Variants in LARGE1 observed in about 807,000 individuals in gnomAD.
LARGE1 encodes xylosyl- and glucuronyltransferase LARGE1.
A neutral mutation model predicts 87.6 loss-of-function variants in LARGE1; 43 were observed. The observed-to-expected ratio is 0.49, with a 90% CI of 0.38 to 0.63. LARGE1 has a LOEUF of 0.63. Ranked by LOEUF, LARGE1 falls within the 30% of genes least tolerant of loss-of-function variation. The pLI, the probability that LARGE1 is intolerant of heterozygous loss-of-function variation, is 0.00. For synonymous variants in LARGE1, 434 were observed against 394.6 expected (o/e 1.10, Z -1.18); for missense variants, 802 against 1,000.2 (o/e 0.80, Z 2.67).
At chr22:33,835,756 G>T (rs116050591) in intron 1 of LARGE1, among the ~76,000 whole-genome samples, 1 of 152,296 alleles carries the variant, frequency 6.6e-6, no homozygotes, top group East Asian at 1.9e-4. Flanking sequence ...TGAGGCATAC[G>T]GTTAAAGCAG....
intron 11 of LARGE1, among the ~76,000 whole-genome samples, chr22:33,183,568 T>G (rs1013832277): frequency 8.7e-5 from 13 of 150,224 alleles, no homozygotes; most frequent in African/African-American, 2.5e-4. Context: ...TAGCCAAGAT[T>G]TGAAAACAAC....
chr22:33,167,858 C>T (rs905721939), intron 11 of LARGE1, among the ~76,000 whole-genome samples: 1 of 152,158 alleles, frequency 6.6e-6, no homozygotes, highest in Non-Finnish European at 1.5e-5. Flanking sequence ...CATTCTCTCC[C>T]CTAGAGCAGT....
chr22:33,716,005 C>T (rs1177405238), intron 2 of LARGE1, among the ~76,000 whole-genome samples: 2 of 152,118 alleles, frequency 1.3e-5, no homozygotes, highest in African/African-American at 4.8e-5. Context: ...TTCATGTTTC[C>T]CTCCCAATAC....
intron 6 of LARGE1, among the ~76,000 whole-genome samples, chr22:33,478,273 A>G (rs1351562923): frequency 6.6e-6 from 1 of 152,218 alleles, no homozygotes; most frequent in African/African-American, 2.4e-5. Flanking sequence ...TGTGCCTGCC[A>G]TAGTCTCTTC....
the LARGE1 span, among the ~76,000 whole-genome samples, chr22:33,095,011 G>A: frequency 1.3e-5 from 2 of 151,934 alleles, no homozygotes; most frequent in Admixed American, 6.6e-5. Flanking sequence ...GAGCCACCGC[G>A]CCTGGCCTCT....
chr22:33,629,278 G>T (rs1473530871), intron 3 of LARGE1, among the ~76,000 whole-genome samples: 1 of 152,164 alleles, frequency 6.6e-6, no homozygotes, highest in African/African-American at 2.4e-5. Context: ...GGAAAAACAC[G>T]CTGAATCAGG....
chr22:33,634,338 G>C (rs554071642), intron 3 of LARGE1, among the ~76,000 whole-genome samples: 3 of 152,288 alleles, frequency 2.0e-5, no homozygotes, highest in African/African-American at 4.8e-5. Flanking sequence ...AGAATAGTCT[G>C]CATCCAGGCG....
intron 6 of LARGE1, among the ~76,000 whole-genome samples, chr22:33,497,854 TAC>T (rs1569214466): frequency 6.6e-6 from 1 of 152,178 alleles, no homozygotes; most frequent in Non-Finnish European, 1.5e-5. Context: ...AAGCAAGAGT[TAC>T]AGAGTGCTTA....
chr22:33,745,810 G>T (rs949069005), intron 2 of LARGE1, among the ~76,000 whole-genome samples: 1 of 152,072 alleles, frequency 6.6e-6, no homozygotes, highest in Non-Finnish European at 1.5e-5. Flanking sequence ...ACTGAGCCTG[G>T]GTGGAAGTTC....
upstream of LARGE1, among the ~76,000 whole-genome samples, chr22:33,921,247 C>G (rs1444353377): frequency 2.0e-5 from 3 of 152,134 alleles, no homozygotes; most frequent in Non-Finnish European, 2.9e-5. This position sits in a 1 kb window ranked among gnomAD's most constrained non-coding sequence, Gnocchi z 4.1. Flanking sequence ...CAGGCGGAAG[C>G]AACACCCGGA....
the LARGE1 span, among the ~76,000 whole-genome samples, chr22:33,134,390 C>T: frequency 1.3e-5 from 2 of 151,790 alleles, no homozygotes; most frequent in Non-Finnish European, 2.9e-5. Context: ...TCCCGAGTAG[C>T]TGGGACTACA....
intron 6 of LARGE1, among the ~76,000 whole-genome samples, chr22:33,447,783 GGAA>G (rs1005625337): frequency 1.5e-4 from 23 of 152,116 alleles, no homozygotes; most frequent in African/African-American, 4.8e-4. Flanking sequence ...GGGAGGAGGA[GGAA>G]GGACAGGCTG....
intron 2 of LARGE1, among the ~76,000 whole-genome samples, chr22:33,707,089 A>C (rs2082585160): frequency 6.6e-6 from 1 of 152,260 alleles, no homozygotes; most frequent in African/African-American, 2.4e-5. Context: ...GAATTCTGTC[A>C]TCTTCAGTAG....
intron 11 of LARGE1, among the ~76,000 whole-genome samples, chr22:33,258,546 C>T (rs1568992721): frequency 6.6e-6 from 1 of 152,110 alleles, no homozygotes; most frequent in Non-Finnish European, 1.5e-5. Flanking sequence ...ACTGCATTTC[C>T]AGAAAGTTCG....
At position 33,641,148 on chromosome 22, in the gene LARGE1, C is replaced by T. The variant is rs573876550; in HGVS notation, c.408+9219G>A. Among the ~76,000 whole-genome samples the T allele has an allele frequency of 2.4e-4, 37 of 152,236 alleles. No individual in the cohort carries two copies. In the East Asian group the frequency reaches 5.4e-3, roughly 22 times the overall value. On this transcript the variant is annotated intron_variant, in intron 3 of 14. Transcript: ENST00000397394. ...GGAGACACCTCAAACAGGAGAGCTC[C>T]GGCTGGCAACGGGCGGGTGCCCCTC...
chr22:33,220,484 A>G (rs1484554258), intron 11 of LARGE1, among the ~76,000 whole-genome samples: 1 of 152,210 alleles, frequency 6.6e-6, no homozygotes, highest in Admixed American at 6.5e-5. Context: ...AGAGACAGAT[A>G]AAAGAACAGG....
chr22:33,208,906 CT>C (rs1429392915), intron 11 of LARGE1, among the ~76,000 whole-genome samples: 1 of 152,154 alleles, frequency 6.6e-6, no homozygotes. Context: ...TGAACTGATT[CT>C]TTTTTATGGC....
At chr22:33,652,913 T>G (rs2080861575) in intron 2 of LARGE1, among the ~76,000 whole-genome samples, 1 of 152,198 alleles carries the variant, frequency 6.6e-6, no homozygotes, top group Non-Finnish European at 1.5e-5. Context: ...TGAATTGCAC[T>G]GCCTGGGACC....
intron 1 of LARGE1, among the ~76,000 whole-genome samples, chr22:33,881,089 A>T (rs2064667565): frequency 6.6e-6 from 1 of 152,088 alleles, no homozygotes; most frequent in African/African-American, 2.4e-5. Context: ...AAGATGCCAC[A>T]GAGGCTGCTA....
Sources: gnomAD v4.1 joint callset for allele counts (sites outside exome capture counted in the v4.1 genomes callset) on GRCh38, gnomAD v4.1.1 for gene constraint, Gnocchi (gnomAD v3.1) non-coding constraint, MANE v1.5 for transcripts, NCBI Gene and HGNC (gene_info 2026-07-23, HGNC 2026-07-21) for gene names.